NIPBL: variants seen among roughly 807,000 people sequenced by gnomAD.
The protein encoded by NIPBL is nipped-B-like protein.
In NIPBL, 19 loss-of-function variants were observed where a neutral mutation model predicts 321.8. That is an observed-to-expected ratio of 0.06 (90% CI 0.04 to 0.09). The LOEUF is 0.09. NIPBL is among the 10% of genes least tolerant of loss of function. The pLI, the probability that NIPBL is intolerant of heterozygous loss-of-function variation, is 1.00. For missense variants in NIPBL, 2,210 were observed against 3,327.0 expected (o/e 0.66, Z 8.26); for synonymous variants, 1,106 against 1,114.1 (o/e 0.99, Z 0.14).
intron 33 of NIPBL, 63 bp from the exon 34 acceptor site, chr5:37,038,536 ATAT>A (rs1272039369): frequency 1.4e-6 from 2 of 1,439,318 alleles, no homozygotes; most frequent in Non-Finnish European, 9.7e-7. Context: ...AATTTAAATA[ATAT>A]TCTGTATAGT....
At chr5:36,921,209 G>GA (rs57236668) in intron 1 of NIPBL, among the ~76,000 whole-genome samples, 2,323 of 141,542 alleles carry the variant, frequency 0.016, 54 homozygotes, top group African/African-American at 0.054. Context: ...TTCATCTCCT[G>GA]AAAAAAAAAA....
At chr5:37,005,739 CAGTG>C (rs1747353751) in intron 16 of NIPBL, among the ~76,000 whole-genome samples, 1 of 152,090 alleles carries the variant, frequency 6.6e-6, no homozygotes, top group Admixed American at 6.5e-5. Context: ...TTTACTTTAA[CAGTG>C]AGATTACTCC....
At chr5:36,893,186 C>A (rs1425248046) in intron 1 of NIPBL, among the ~76,000 whole-genome samples, 5 of 152,094 alleles carry the variant, frequency 3.3e-5, no homozygotes, top group Non-Finnish European at 7.4e-5. Context: ...ATACTAAATC[C>A]ATACATACAC....
chr5:37,059,305 G>A (rs557509822), intron 44 of NIPBL, 140 bp downstream of exon 44: 7 of 819,172 alleles, frequency 8.5e-6, no homozygotes, highest in East Asian at 7.5e-5. Context: ...TCAGGAGTTC[G>A]AGACCAGCCT....
chr5:36,977,638 G>A (rs774182932), intron 9 of NIPBL, among the ~76,000 whole-genome samples: 8 of 146,540 alleles, frequency 5.5e-5, no homozygotes, highest in Non-Finnish European at 1.0e-4. Flanking sequence ...GGGGATATAT[G>A]TACAGGGGTT....
chr5:36,885,767 A>G (rs376946271), intron 1 of NIPBL: 21 of 618,274 alleles, frequency 3.4e-5, no homozygotes, highest in African/African-American at 3.3e-4. Flanking sequence ...CTGCAAGGTC[A>G]TTGATGACAC....
chr5:36,987,157 G>A (rs1738584249), intron 10 of NIPBL, among the ~76,000 whole-genome samples: 1 of 152,286 alleles, frequency 6.6e-6, no homozygotes, highest in Admixed American at 6.5e-5. Context: ...TGGGATTACA[G>A]GCGTGAGCCA....
At position 37,007,453 on chromosome 5, in the gene NIPBL, T is replaced by C. The variant is rs1747571680; in HGVS notation, c.4218T>C (p.Leu1406=). The stretch of plus-strand genomic sequence containing the variant: ...CAGAATTGCTAGAGATACAACTTCT[T>C]ACAGACACAACAATTCTTCAGGTAA... The part of the protein sequence containing the change: ...SLSELLEIQL[L]TDTTILQVSS... Residue 1406 remains leucine (L), a synonymous_variant, in exon 18 of 47, where the codon CTT becomes CTC. Transcript: ENST00000282516. 2 of 1,611,138 alleles carry C rather than the reference T, an allele frequency of 1.2e-6. No homozygotes were observed. Among genetic ancestry groups the C allele is most frequent in the East Asian group, 2.2e-5 (1 of 44,682 alleles).
rs757986074 is a variant in NIPBL at position 36,971,946 on chromosome 5, A to G, written c.773A>G (p.Asp258Gly). 3.7e-6 allele frequency: 6 copies of G among 1,611,234 alleles called. No homozygotes were observed. The African/African-American group carries it at 4.0e-5, about 11-fold the overall frequency. The change falls in exon 8 of 47, where the codon GAT (aspartate) becomes GGT (glycine). Residue 258 changes from aspartate (D) to glycine (G), a missense_variant and splice_region_variant. Around this residue, in one of 14 missense-constraint regions of NIPBL, gnomAD observed 464 missense variants for 529.5 expected, o/e 0.88. Coordinates refer to ENST00000282516, the MANE Select transcript of NIPBL (RefSeq NM_133433.4). ...LHMVHRLSSD[D>G]GDSSTMRNAA... The stretch of plus-strand genomic sequence containing the variant: ...ATAAATTGTATACTCTATTTTTAGG[A>G]TGGAGATTCTTCAACAATGAGGAAT...
intron 1 of NIPBL, among the ~76,000 whole-genome samples, chr5:36,913,306 A>T (rs1215556199): frequency 6.6e-6 from 1 of 152,208 alleles, no homozygotes; most frequent in Non-Finnish European, 1.5e-5. Flanking sequence ...AAAGTGATAA[A>T]GCAAATGTAG....
At chr5:37,063,215 G>A (rs1754977184) in intron 45 of NIPBL, among the ~76,000 whole-genome samples, 1 of 152,098 alleles carries the variant, frequency 6.6e-6, no homozygotes, top group South Asian at 2.1e-4. Flanking sequence ...TTTAAAGCAA[G>A]TAGCTGAACA....
intron 1 of NIPBL, among the ~76,000 whole-genome samples, chr5:36,939,902 A>G (rs555654131): frequency 6.6e-6 from 1 of 152,296 alleles, no homozygotes; most frequent in East Asian, 1.9e-4. Context: ...CCATCTCTCA[A>G]CACTGTTGTA....
At position 36,877,151 on chromosome 5, in the gene NIPBL, C is replaced by A. The variant is rs902219347; in HGVS notation, c.-107C>A. On this transcript the variant is annotated 5_prime_UTR_variant, in exon 1 of 47. Transcript: ENST00000282516. ...TCTCGCCACAGCGGCCTCGGCCTCCCCTTGGATTCAGACGCCGATTCGCCC... is the reference window on the plus strand; with the variant it reads ...TCTCGCCACAGCGGCCTCGGCCTCCACTTGGATTCAGACGCCGATTCGCCC... The A allele has an allele frequency of 9.7e-6, 3 of 308,604 alleles. No homozygotes were observed. Among genetic ancestry groups the A allele is most frequent in the Admixed American group, 5.0e-5 (1 of 19,828 alleles). The allele number at this position is 308,604 out of a possible 1,614,324, so 19.1% of individuals were successfully genotyped here. A position where few individuals can be genotyped will look rare whatever the true frequency, so the allele number is the denominator to read the frequency against.
At chr5:36,915,779 A>G (rs999008945) in intron 1 of NIPBL, among the ~76,000 whole-genome samples, 16 of 152,182 alleles carry the variant, frequency 1.1e-4, no homozygotes, top group Admixed American at 1.0e-3. Context: ...ATAGTGATAC[A>G]TTGTAACACA....
intron 45 of NIPBL, among the ~76,000 whole-genome samples, chr5:37,062,741 G>GAGACT (rs1754877944): frequency 6.6e-6 from 1 of 152,268 alleles, no homozygotes; most frequent in East Asian, 1.9e-4. Flanking sequence ...GCAACAGGGT[G>GAGACT]AGACCCTGTC....
At chr5:37,040,420 G>C (rs926871280) in intron 34 of NIPBL, among the ~76,000 whole-genome samples, 1 of 151,798 alleles carries the variant, frequency 6.6e-6, no homozygotes, top group Non-Finnish European at 1.5e-5. Flanking sequence ...TTATAGTTGT[G>C]GACACAGAGG....
At chr5:36,957,833 AT>A (rs1357660489) in intron 3 of NIPBL, among the ~76,000 whole-genome samples, 1 of 152,066 alleles carries the variant, frequency 6.6e-6, no homozygotes, top group African/African-American at 2.4e-5. Context: ...AAATACAAAA[AT>A]TAGCTGGGCG....
chr5:36,978,958 T>A (rs1475407362), intron 9 of NIPBL, among the ~76,000 whole-genome samples: 1 of 151,986 alleles, frequency 6.6e-6, no homozygotes, highest in African/African-American at 2.4e-5. Context: ...TGCCTATTTT[T>A]ATACCAGTAC....
intron 1 of NIPBL, among the ~76,000 whole-genome samples, chr5:36,895,984 G>T (rs1174339897): frequency 6.6e-6 from 1 of 152,086 alleles, no homozygotes; most frequent in African/African-American, 2.4e-5. Context: ...TTTTCCTTTG[G>T]TTGCTTATGC....
Sources: allele counts gnomAD v4.1 joint callset (sites outside exome capture counted in the v4.1 genomes callset), GRCh38; gene constraint gnomAD v4.1.1; regional missense constraint gnomAD v4.1.1; transcripts MANE v1.5; gene names NCBI Gene and HGNC (gene_info 2026-07-23, HGNC 2026-07-21).